The following BYSL variants were observed in gnomAD, a reference collection of about 807,000 sequenced individuals.
The protein encoded by BYSL is bystin like.
In BYSL, 21 loss-of-function variants were observed where a neutral mutation model predicts 45.4. That is an observed-to-expected ratio of 0.46 (90% CI 0.33 to 0.67). The LOEUF is 0.67. BYSL is among the 30% of genes least tolerant of loss of function. The probability of loss-of-function intolerance (pLI) is 0.02; values close to 1 mark genes in which losing one functional copy is unlikely to be tolerated. For synonymous variants in BYSL, 215 were observed against 231.3 expected (o/e 0.93, Z 0.64); for missense variants, 522 against 578.5 (o/e 0.90, Z 1.00).
chr6:41,922,232 C>G (rs1045888530), intron 1 of BYSL, among the ~76,000 whole-genome samples: 5 of 152,100 alleles, frequency 3.3e-5, no homozygotes, highest in African/African-American at 9.7e-5. Flanking sequence ...TAAGTAGACT[C>G]TTAGAATAAT....
At chr6:41,921,163 C>CG, upstream of BYSL, 1 of 1,069,326 alleles carries the variant, frequency 9.4e-7, no homozygotes, top group Non-Finnish European at 1.3e-6. Context: ...GCCGGGTCCA[C>CG]GCCTTCCCCA....
upstream of BYSL, among the ~76,000 whole-genome samples, chr6:41,919,924 G>C (rs1182496177): frequency 6.6e-6 from 1 of 152,106 alleles, no homozygotes; most frequent in Non-Finnish European, 1.5e-5. Context: ...CAAGAACCTG[G>C]GCTACCAGGA....
At chr6:41,910,632 CAA>C in the BYSL span, among the ~76,000 whole-genome samples, 2 of 128,438 alleles carry the variant, frequency 1.6e-5, no homozygotes. Context: ...ACTCTATCTC[CAA>C]AAAAAAAAAA....
chr6:41,911,154 C>T, the BYSL span, among the ~76,000 whole-genome samples: 1 of 140,462 alleles, frequency 7.1e-6, no homozygotes, highest in East Asian at 2.2e-4. Context: ...AGGCTAAAAA[C>T]TTTTTTTTTT....
chr6:41,931,637 TA>T, intron 5 of BYSL, 81 bp downstream of exon 5: 2 of 1,608,664 alleles, frequency 1.2e-6, no homozygotes, highest in Non-Finnish European at 1.7e-6. Flanking sequence ...GGGAAATTGC[TA>T]GCTGTCCCTG....
upstream of BYSL, chr6:41,921,427 C>T: frequency 7.8e-7 from 1 of 1,286,754 alleles, no homozygotes; most frequent in South Asian, 1.6e-5. Flanking sequence ...GCTGATGGCG[C>T]TTCTGGCCTC....
chr6:41,931,633 T>C (rs1382907084), intron 5 of BYSL, 77 bp downstream of exon 5: 1 of 1,609,552 alleles, frequency 6.2e-7, no homozygotes, highest in African/African-American at 1.3e-5. Context: ...GTGTGGGAAA[T>C]TGCTAGCTGT....
At chr6:41,909,423 T>A in the BYSL span, 4 of 1,614,146 alleles carry the variant, frequency 2.5e-6, no homozygotes, top group Non-Finnish European at 3.4e-6. Flanking sequence ...CACATCAAAG[T>A]TGGTGTCAGC....
intron 4 of BYSL, among the ~76,000 whole-genome samples, chr6:41,931,171 A>G (rs1561945462): frequency 6.6e-6 from 1 of 152,212 alleles, no homozygotes. Context: ...TGGCTCTCCC[A>G]CAGACAAACG....
chr6:41,930,679 G>A lies in BYSL; in HGVS notation c.615G>A (p.Lys205=). The part of the protein sequence containing the change: ...YRSGKLPKAF[K]IIPALSNWEQ... ...GTGGAAAACTGCCCAAGGCATTTAAGATCATCCCTGCACTCTCCAACTGGG... is the reference window on the plus strand; with the variant it reads ...GTGGAAAACTGCCCAAGGCATTTAAAATCATCCCTGCACTCTCCAACTGGG... The change falls in exon 4 of 7, where the codon AAG becomes AAA. Residue 205 remains lysine (K), a synonymous_variant. Transcript: ENST00000230340. 2 of 1,613,904 alleles carry A rather than the reference G, an allele frequency of 1.2e-6. No individual in the cohort carries two copies. Among genetic ancestry groups the A allele is most frequent in the Non-Finnish European group, 1.7e-6 (2 of 1,179,920 alleles).
chr6:41,910,539 C>T, the BYSL span, among the ~76,000 whole-genome samples: 4 of 148,240 alleles, frequency 2.7e-5, no homozygotes, highest in African/African-American at 9.9e-5. Context: ...GGCTGAGGCA[C>T]GAGAATCACC....
rs765781821 is a variant in BYSL, at chr6:41,930,134, G to A, written c.434G>A (p.Arg145His). 65 of 1,613,928 alleles carry A rather than the reference G, an allele frequency of 4.0e-5. No homozygotes were observed. The highest frequency in any genetic ancestry group is 5.4e-5 in the Non-Finnish European group (64 of 1,179,996). ...MFMNKNPPAR[R>H]TLADIIMEKL... ...CCTCTTGGCACTTCCCCTCTTAGGC[G>A]CACCCTGGCTGACATCATCATGGAG... The change falls in exon 3 of 7, where the codon CGC (arginine) becomes CAC (histidine). Residue 145 changes from arginine to histidine, a missense_variant and splice_region_variant. Transcript: ENST00000230340.
the BYSL span, among the ~76,000 whole-genome samples, chr6:41,914,925 T>C: frequency 6.6e-6 from 1 of 152,210 alleles, no homozygotes; most frequent in Non-Finnish European, 1.5e-5. Context: ...CAAAGACTTC[T>C]GGGCCTAAAA....
chr6:41,931,860 G>C, intron 6 of BYSL, 30 bp downstream of exon 6: 1 of 1,576,782 alleles, frequency 6.3e-7, no homozygotes, highest in Non-Finnish European at 8.7e-7. Flanking sequence ...AAGGGGGCTG[G>C]TCAGTGGATA....
rs780184606 is a variant in BYSL at position 41,932,557 on chromosome 6, T to C, written c.1165T>C (p.Tyr389His). 4 of 1,614,108 alleles carry C rather than the reference T, an allele frequency of 2.5e-6. No individual in the cohort carries two copies. Among genetic ancestry groups the C allele is most frequent in the South Asian group, 1.1e-5 (1 of 91,092 alleles). The part of the protein sequence containing the change: ...HQCLLTLVQR[Y>H]KADLATDQKE... Reference sequence around the variant, plus strand: ...GTGCCTCCTGACTTTGGTCCAGCGCTACAAGGCCGACTTGGCCACAGACCA... The same window carrying C: ...GTGCCTCCTGACTTTGGTCCAGCGCCACAAGGCCGACTTGGCCACAGACCA... Residue 389 changes from tyrosine to histidine, a missense_variant, in exon 7 of 7, where the codon TAC (tyrosine) becomes CAC (histidine). Coordinates refer to ENST00000230340, the MANE Select transcript of BYSL (RefSeq NM_004053.4). This position sits in a 1 kb window ranked among gnomAD's most constrained non-coding sequence, Gnocchi z 4.7.
chr6:41,910,982 G>A, the BYSL span, among the ~76,000 whole-genome samples: 11 of 151,442 alleles, frequency 7.3e-5, no homozygotes, highest in East Asian at 8.1e-4. Flanking sequence ...GGTGGCATGC[G>A]CCTGTAATCC....
chr6:41,932,395 A>C lies in BYSL; in HGVS notation c.1003A>C (p.Ser335Arg). ...AMLKIAEMEY[S>R]GANSIFLRLL... The stretch of plus-strand genomic sequence containing the variant: ...GCTGAAAATTGCTGAGATGGAATAC[A>C]GCGGTGCCAACAGCATCTTCCTGCG... The change falls in exon 7 of 7, where the codon AGC (serine) becomes CGC (arginine). Residue 335 changes from serine to arginine, a missense_variant. Ser to Arg is a moderately radical substitution (Grantham distance 110). Transcript: ENST00000230340. The surrounding 1 kb of genome is among the most constrained non-coding windows in gnomAD (Gnocchi z 4.7). 6.2e-7 allele frequency: 1 copy of C among 1,613,294 alleles called. No homozygotes were observed. The highest frequency in any genetic ancestry group is 1.1e-5 in the South Asian group (1 of 91,082).
chr6:41,924,789 A>G (rs1216552608), intron 1 of BYSL, among the ~76,000 whole-genome samples: 3 of 152,218 alleles, frequency 2.0e-5, no homozygotes, highest in South Asian at 2.1e-4. Context: ...GGAGGGAAGC[A>G]AGGTCAGAAA....
At chr6:41,920,882 C>T (rs555209033), upstream of BYSL, 1,204 of 1,260,664 alleles carry the variant, frequency 9.6e-4, 6 homozygotes, top group African/African-American at 0.016. Context: ...ACGGCATCCT[C>T]TCATCTACAC....
Sources: gnomAD v4.1 joint callset for allele counts (sites outside exome capture counted in the v4.1 genomes callset) on GRCh38, gnomAD v4.1.1 for gene constraint, Gnocchi (gnomAD v3.1) non-coding constraint, MANE v1.5 for transcripts, NCBI Gene and HGNC (gene_info 2026-07-23, HGNC 2026-07-21) for gene names.